The following INPP4B variants were observed in gnomAD, a reference collection of about 807,000 sequenced individuals.
INPP4B encodes the protein inositol polyphosphate-4-phosphatase type II B.
In INPP4B, 55 loss-of-function variants were observed where a neutral mutation model predicts 122.5. That is an observed-to-expected ratio of 0.45 (90% CI 0.36 to 0.56). The LOEUF is 0.56. Ranked by LOEUF, INPP4B falls within the 20% of genes least tolerant of loss-of-function variation. The probability of loss-of-function intolerance (pLI) is 0.00; values close to 1 mark genes in which losing one functional copy is unlikely to be tolerated. For synonymous variants in INPP4B, 403 were observed against 388.7 expected (o/e 1.04, Z -0.43); for missense variants, 1,000 against 1,097.7 (o/e 0.91, Z 1.26).
chr4:142,536,758 C>T (rs530335014), intron 2 of INPP4B, among the ~76,000 whole-genome samples: 8 of 152,204 alleles, frequency 5.3e-5, no homozygotes, highest in African/African-American at 1.7e-4. Flanking sequence ...TGACTCTAAA[C>T]GGGCAGAATC....
intron 7 of INPP4B, among the ~76,000 whole-genome samples, chr4:142,351,818 G>A (rs1160074616): frequency 3.3e-5 from 5 of 152,066 alleles, no homozygotes; most frequent in Non-Finnish European, 5.9e-5. Context: ...GGGTTAAAAT[G>A]TATTGTTATT....
intron 2 of INPP4B, among the ~76,000 whole-genome samples, chr4:142,712,522 A>T (rs1048026203): frequency 1.3e-5 from 2 of 152,200 alleles, no homozygotes; most frequent in African/African-American, 2.4e-5. Flanking sequence ...TTGTCCTAAA[A>T]TGTGTTAAAG....
chr4:142,061,377 C>T (rs1004139765), intron 25 of INPP4B, among the ~76,000 whole-genome samples: 1 of 151,598 alleles, frequency 6.6e-6, no homozygotes, highest in Non-Finnish European at 1.5e-5. Flanking sequence ...ATACCATTAG[C>T]AAAAAAAGTT....
chr4:142,239,734 C>A (rs75423141), intron 11 of INPP4B, among the ~76,000 whole-genome samples: 5,226 of 152,134 alleles, frequency 0.034, 130 homozygotes, highest in Middle Eastern at 0.054. Context: ...ATATATCTAA[C>A]ATGGTTAGGA....
chr4:142,558,424 A>AG (rs1729676342), intron 2 of INPP4B, among the ~76,000 whole-genome samples: 1 of 152,150 alleles, frequency 6.6e-6, no homozygotes, highest in Admixed American at 6.6e-5. Flanking sequence ...GGCAGCAAAA[A>AG]AAAAGGAAAA....
chr4:142,352,588 T>A (rs1192555237), intron 7 of INPP4B, among the ~76,000 whole-genome samples: 1 of 151,812 alleles, frequency 6.6e-6, no homozygotes, highest in Non-Finnish European at 1.5e-5. Context: ...GCTACTTTAA[T>A]ATAATAGGAT....
At chr4:142,099,312 C>T (rs948191671) in intron 23 of INPP4B, among the ~76,000 whole-genome samples, 2 of 152,064 alleles carry the variant, frequency 1.3e-5, no homozygotes, top group Non-Finnish European at 2.9e-5. Context: ...TTTTATGTGT[C>T]TATGCAATGA....
At chr4:142,767,030 T>C (rs1772249251) in intron 1 of INPP4B, among the ~76,000 whole-genome samples, 1 of 152,194 alleles carries the variant, frequency 6.6e-6, no homozygotes, top group Non-Finnish European at 1.5e-5. Context: ...CCACCCAAGG[T>C]GATGAACCTA....
chr4:142,223,048 T>A (rs777069880), intron 12 of INPP4B, among the ~76,000 whole-genome samples: 13 of 152,192 alleles, frequency 8.5e-5, no homozygotes, highest in Non-Finnish European at 1.3e-4. Context: ...AATAACCATG[T>A]GCATATAGTA....
At chr4:142,423,583 C>T (rs954819439) in intron 5 of INPP4B, 7 of 204,964 alleles carry the variant, frequency 3.4e-5, no homozygotes, top group Admixed American at 1.2e-4. Flanking sequence ...TTTATAGCCA[C>T]GATAATATTT....
At chr4:142,298,723 T>C (rs1387752503) in intron 9 of INPP4B, among the ~76,000 whole-genome samples, 1 of 144,014 alleles carries the variant, frequency 6.9e-6, no homozygotes, top group Non-Finnish European at 1.5e-5. Flanking sequence ...AATAATTGGA[T>C]CCTAAAATTC....
intron 11 of INPP4B, among the ~76,000 whole-genome samples, chr4:142,248,019 A>G (rs1020296031): frequency 6.6e-6 from 1 of 152,052 alleles, no homozygotes. Flanking sequence ...GAAAGAAGGC[A>G]TCACCCCTCC....
intron 2 of INPP4B, among the ~76,000 whole-genome samples, chr4:142,510,898 TA>T (rs1824625404): frequency 6.6e-6 from 1 of 152,144 alleles, no homozygotes; most frequent in Non-Finnish European, 1.5e-5. Flanking sequence ...CAAACTAAAA[TA>T]AACCTAAAGA....
intron 7 of INPP4B, 134 bp from the exon 8 acceptor site, chr4:142,314,896 G>A: frequency 1.4e-6 from 1 of 702,674 alleles, no homozygotes; most frequent in Non-Finnish European, 2.4e-6. Context: ...GAATTCACCT[G>A]TGTGCAACAC....
intron 1 of INPP4B, among the ~76,000 whole-genome samples, chr4:142,751,283 C>CAAAAAAA (rs70949187): frequency 9.5e-6 from 1 of 105,100 alleles, no homozygotes; most frequent in African/African-American, 3.2e-5. Flanking sequence ...TTAACTGTGT[C>CAAAAAAA]AAAAAAAAAA....
At chr4:142,177,194 A>C (rs1828724536) in intron 15 of INPP4B, among the ~76,000 whole-genome samples, 1 of 152,156 alleles carries the variant, frequency 6.6e-6, no homozygotes, top group Non-Finnish European at 1.5e-5. Flanking sequence ...TGAGGCTGAA[A>C]GATTCATTTT....
rs150556452 is a variant in INPP4B at position 142,689,329 on chromosome 4, A to G, written c.-191+36510T>C. The stretch of plus-strand genomic sequence containing the variant: ...CCTTGTATCTCCACTACAAAGAAAC[A>G]AATCTTTCTCACCAATTAATTTACA... On this transcript the variant is annotated intron_variant, in intron 2 of 25. Transcript: ENST00000262992. Among the ~76,000 whole-genome samples, 24 of 152,288 alleles carry G rather than the reference A, an allele frequency of 1.6e-4. No homozygotes were observed. In the East Asian group the frequency reaches 4.5e-3, roughly 28 times the overall value.
At chr4:142,454,187 C>T (rs191968574) in intron 3 of INPP4B, among the ~76,000 whole-genome samples, 8 of 152,182 alleles carry the variant, frequency 5.3e-5, no homozygotes, top group Non-Finnish European at 7.4e-5. Flanking sequence ...TTTGACCCTA[C>T]GTGTCAGAAG....
chr4:142,177,647 C>T (rs1285536258), intron 15 of INPP4B, among the ~76,000 whole-genome samples: 1 of 151,852 alleles, frequency 6.6e-6, no homozygotes, highest in Non-Finnish European at 1.5e-5. Context: ...TTAATATATT[C>T]ATTTAAATAC....
Sources: gnomAD v4.1 joint callset for allele counts (sites outside exome capture counted in the v4.1 genomes callset) on GRCh38, gnomAD v4.1.1 for gene constraint, MANE v1.5 for transcripts, NCBI Gene and HGNC (gene_info 2026-07-23, HGNC 2026-07-21) for gene names.